FARS2: variants seen among roughly 807,000 people sequenced by gnomAD.
FARS2 encodes phenylalanine--tRNA ligase, mitochondrial.
Under a neutral mutation model 46.4 loss-of-function variants are expected in FARS2, and 40 were observed. That is an observed-to-expected ratio of 0.86 (90% confidence interval 0.67 to 1.12). FARS2 has a LOEUF of 1.12. Ranked by LOEUF, FARS2 falls within the 50% of genes most tolerant of loss-of-function variation. The pLI is 0.00. For missense variants in FARS2, 513 were observed against 567.9 expected, an observed-to-expected ratio of 0.90 and a Z score of 0.98; for synonymous variants, 234 against 214.9, an observed-to-expected ratio of 1.09 and a Z score of -0.78.
At chr6:5,675,697 C>T (rs906360330) in intron 6 of FARS2, among the ~76,000 whole-genome samples, 2 of 152,176 alleles carry the variant, frequency 1.3e-5, no homozygotes, top group East Asian at 1.9e-4. Flanking sequence ...AGAAGTTCCA[C>T]AGAAGTGCCT....
intron 1 of FARS2, among the ~76,000 whole-genome samples, chr6:5,270,835 C>G (rs1765893984): frequency 6.6e-6 from 1 of 152,138 alleles, no homozygotes; most frequent in African/African-American, 2.4e-5. Context: ...CACCTCTTTC[C>G]CCTCTACCCT....
intron 2 of FARS2, among the ~76,000 whole-genome samples, chr6:5,402,723 T>C (rs746477519): frequency 6.6e-6 from 1 of 152,200 alleles, no homozygotes; most frequent in African/African-American, 2.4e-5. Context: ...GTCTTTCGCT[T>C]TGTATTAACT....
intron 3 of FARS2, among the ~76,000 whole-genome samples, chr6:5,405,700 G>C (rs550033905): frequency 6.6e-6 from 1 of 152,060 alleles, no homozygotes; most frequent in East Asian, 1.9e-4. Flanking sequence ...CACCGTGTTT[G>C]CCAAGATGGT....
In FARS2 at chr6:5,538,534, C is replaced by T. The variant is rs117948828; in HGVS notation, c.905-6646C>T. Among the ~76,000 whole-genome samples, 19 of 152,236 alleles carry T rather than the reference C, an allele frequency of 1.2e-4. No individual in the cohort carries two copies. The East Asian group carries it at 3.7e-3, about 29-fold the overall frequency. ...TTTTGACCGATTATGTAGCACATGGCATCCTTAAAATTAAAAAAATCCAGT... is the reference window on the plus strand; with the variant it reads ...TTTTGACCGATTATGTAGCACATGGTATCCTTAAAATTAAAAAAATCCAGT... On this transcript the variant is annotated intron_variant, in intron 4 of 6. Transcript: ENST00000274680.
chr6:5,662,842 G>T (rs1396071076), intron 6 of FARS2, among the ~76,000 whole-genome samples: 1 of 152,070 alleles, frequency 6.6e-6, no homozygotes, highest in East Asian at 1.9e-4. Context: ...ATTTCTTTGT[G>T]CCCCAGTTTA....
intron 6 of FARS2, among the ~76,000 whole-genome samples, chr6:5,768,495 C>A (rs1334402800): frequency 6.6e-6 from 1 of 152,136 alleles, no homozygotes; most frequent in Non-Finnish European, 1.5e-5. Context: ...CTAGGAGGGA[C>A]CAGAGTGAAA....
chr6:5,421,339 T>C (rs1762537407), intron 3 of FARS2, among the ~76,000 whole-genome samples: 1 of 152,174 alleles, frequency 6.6e-6, no homozygotes, highest in Non-Finnish European at 1.5e-5. Flanking sequence ...AAACCACTTT[T>C]TCCTTGTAGG....
upstream of FARS2, chr6:5,260,742 GA>G (rs561083109): frequency 1.9e-4 from 290 of 1,519,502 alleles, no homozygotes; most frequent in Middle Eastern, 3.5e-4. Context: ...ATTTTGGAAA[GA>G]AAAAAAAATA....
intron 6 of FARS2, among the ~76,000 whole-genome samples, chr6:5,741,269 T>A (rs1239643833): frequency 6.6e-6 from 1 of 152,240 alleles, no homozygotes; most frequent in Non-Finnish European, 1.5e-5. Flanking sequence ...GGCCCACAGT[T>A]GTACAGAGAG....
At chr6:5,434,295 A>G (rs9378949) in intron 4 of FARS2, among the ~76,000 whole-genome samples, 60,852 of 151,792 alleles carry the variant, frequency 0.4, 12,854 homozygotes, top group Non-Finnish European at 0.46. Flanking sequence ...TATTTTTAGT[A>G]GGGATTGGAG....
intron 6 of FARS2, among the ~76,000 whole-genome samples, chr6:5,662,627 G>A (rs1777903475): frequency 6.6e-6 from 1 of 152,194 alleles, no homozygotes; most frequent in African/African-American, 2.4e-5. Flanking sequence ...ATAAAGAGAT[G>A]AACTTCTACT....
chr6:5,367,013 A>G (rs1758725460), intron 1 of FARS2, among the ~76,000 whole-genome samples: 1 of 152,264 alleles, frequency 6.6e-6, no homozygotes, highest in Non-Finnish European at 1.5e-5. Context: ...GAATAAAACC[A>G]GAGAGTTCCT....
chr6:5,541,661 C>T (rs1582400793), intron 4 of FARS2, among the ~76,000 whole-genome samples: 1 of 152,058 alleles, frequency 6.6e-6, no homozygotes, highest in Non-Finnish European at 1.5e-5. Context: ...AGAAAAGGGT[C>T]CTGATCCACA....
intron 3 of FARS2, among the ~76,000 whole-genome samples, chr6:5,409,260 T>G (rs1449407196): frequency 6.6e-6 from 1 of 151,978 alleles, no homozygotes; most frequent in Admixed American, 6.6e-5. Context: ...ACCTCCTGTC[T>G]AACATGGTGA....
chr6:5,407,052 T>TAC, intron 3 of FARS2, among the ~76,000 whole-genome samples: 3 of 136,410 alleles, frequency 2.2e-5, no homozygotes, highest in Non-Finnish European at 4.8e-5. Flanking sequence ...ATTATATATA[T>TAC]ATATATATAT....
At chr6:5,320,836 G>A (rs909190419) in intron 1 of FARS2, among the ~76,000 whole-genome samples, 2 of 152,184 alleles carry the variant, frequency 1.3e-5, no homozygotes, top group African/African-American at 4.8e-5. Context: ...GAGATTAGGT[G>A]TCTGGTGAGG....
intron 5 of FARS2, among the ~76,000 whole-genome samples, chr6:5,579,496 A>T (rs1482470097): frequency 1.3e-5 from 2 of 151,880 alleles, no homozygotes; most frequent in Non-Finnish European, 2.9e-5. Context: ...CTGGTCTCGA[A>T]CTCTTGACCT....
At chr6:5,481,036 T>C (rs1376962484) in intron 4 of FARS2, among the ~76,000 whole-genome samples, 1 of 152,256 alleles carries the variant, frequency 6.6e-6, no homozygotes, top group Non-Finnish European at 1.5e-5. Context: ...GTCTTTGCAG[T>C]TAGCCTGCAG....
intron 5 of FARS2, among the ~76,000 whole-genome samples, chr6:5,564,212 G>A (rs1323094462): frequency 1.3e-5 from 2 of 152,136 alleles, no homozygotes; most frequent in Non-Finnish European, 1.5e-5. Flanking sequence ...CACAAGTGTG[G>A]TGTGGGTAGG....
Sources: gnomAD v4.1 joint callset for allele counts (sites outside exome capture counted in the v4.1 genomes callset) on GRCh38, gnomAD v4.1.1 for gene constraint, MANE v1.5 for transcripts, NCBI Gene and HGNC (gene_info 2026-07-23, HGNC 2026-07-21) for gene names.